The following CLECL1 variants were observed in gnomAD, a reference collection of about 807,000 sequenced individuals.
CLECL1 encodes the protein C-type lectin like 1, also known as C-type lectin-like domain family 1.
chr12:9,723,515 T>C (rs1320887650), intron 3 of CLECL1, among the ~76,000 whole-genome samples: 1 of 151,906 alleles, frequency 6.6e-6, no homozygotes, highest in Non-Finnish European at 1.5e-5. Flanking sequence ...AGACAGATTC[T>C]AGAGGGGAGA....
At chr12:9,728,611 AT>A (rs1285766517) in intron 2 of CLECL1, among the ~76,000 whole-genome samples, 5 of 151,914 alleles carry the variant, frequency 3.3e-5, no homozygotes, top group Admixed American at 6.6e-5. Context: ...TAGCAAAAAA[AT>A]CTATTTTACT....
the CLECL1 span, among the ~76,000 whole-genome samples, chr12:9,710,694 G>A: frequency 6.6e-6 from 1 of 152,142 alleles, no homozygotes; most frequent in African/African-American, 2.4e-5. Flanking sequence ...GAACACACAG[G>A]GAGAGGAACA....
the CLECL1 span, among the ~76,000 whole-genome samples, chr12:9,704,869 CAT>C: frequency 2.6e-5 from 4 of 152,116 alleles, no homozygotes; most frequent in Non-Finnish European, 4.4e-5. Context: ...CTGCAATGAA[CAT>C]ATGTGTGCGT....
At chr12:9,705,360 T>G in the CLECL1 span, among the ~76,000 whole-genome samples, 6 of 152,122 alleles carry the variant, frequency 3.9e-5, no homozygotes, top group Non-Finnish European at 8.8e-5. Flanking sequence ...GTAGGTTGTT[T>G]ACTCTGTTGA....
At chr12:9,719,166 G>T (rs1055526013), downstream of CLECL1, among the ~76,000 whole-genome samples, 7 of 152,270 alleles carry the variant, frequency 4.6e-5, no homozygotes, top group East Asian at 1.4e-3. Flanking sequence ...CAGGTGCGGT[G>T]GCTCATGCCT....
At chr12:9,719,218 T>C (rs2401390), downstream of CLECL1, among the ~76,000 whole-genome samples, 45,181 of 152,050 alleles carry the variant, frequency 0.3, 7,408 homozygotes, top group South Asian at 0.47. Flanking sequence ...GAGGAACCCT[T>C]GAGACCAGGA....
chr12:9,729,977 G>C (rs551319037), intron 1 of CLECL1, among the ~76,000 whole-genome samples: 4 of 152,084 alleles, frequency 2.6e-5, no homozygotes, highest in Admixed American at 6.6e-5. Context: ...AAACCCTCAA[G>C]ATTCTCTAAT....
the CLECL1 span, among the ~76,000 whole-genome samples, chr12:9,707,519 C>CT: frequency 0.39 from 58,417 of 151,660 alleles, 12,432 homozygotes; most frequent in East Asian, 0.58. Flanking sequence ...TGGTCTCTGG[C>CT]TAGGGCTCCA....
At chr12:9,731,657 C>T (rs1264445345) in intron 1 of CLECL1, among the ~76,000 whole-genome samples, 1 of 152,194 alleles carries the variant, frequency 6.6e-6, no homozygotes, top group East Asian at 1.9e-4. Flanking sequence ...GACTTCTGGT[C>T]ATAAGCATGA....
chr12:9,714,842 A>G (rs1035209567), downstream of CLECL1, among the ~76,000 whole-genome samples: 2 of 152,210 alleles, frequency 1.3e-5, no homozygotes, highest in Non-Finnish European at 2.9e-5. Flanking sequence ...GCTAACTGCA[A>G]AAACAAATTT....
the CLECL1 span, among the ~76,000 whole-genome samples, chr12:9,704,469 AAC>A: frequency 1.8e-3 from 272 of 152,302 alleles, no homozygotes; most frequent in African/African-American, 6.2e-3. Flanking sequence ...TACATAGGTA[AAC>A]ACATGTCATG....
chr12:9,718,688 C>T, downstream of CLECL1: 1 of 698,776 alleles, frequency 1.4e-6, no homozygotes, highest in African/African-American at 1.8e-5. Context: ...AATGTCCTTA[C>T]AAGAAGAAAT....
the CLECL1 span, among the ~76,000 whole-genome samples, chr12:9,703,113 C>T: frequency 2.0e-5 from 3 of 152,194 alleles, no homozygotes; most frequent in African/African-American, 7.2e-5. Flanking sequence ...TTCCAAAGTT[C>T]TCACCCAAAA....
chr12:9,734,238 T>TG (rs1866489328), upstream of CLECL1, among the ~76,000 whole-genome samples: 1 of 152,176 alleles, frequency 6.6e-6, no homozygotes, highest in East Asian at 1.9e-4. Flanking sequence ...AGAGAACAGA[T>TG]CCTGGCTTTG....
downstream of CLECL1, among the ~76,000 whole-genome samples, chr12:9,715,385 C>T (rs149841647): frequency 3.9e-5 from 6 of 152,286 alleles, no homozygotes; most frequent in African/African-American, 1.4e-4. Context: ...AGTTCTTAGT[C>T]TTACTTCAAG....
chr12:9,705,563 T>G, the CLECL1 span, among the ~76,000 whole-genome samples: 5 of 152,208 alleles, frequency 3.3e-5, no homozygotes, highest in African/African-American at 9.6e-5. Flanking sequence ...TTAATCCATC[T>G]TGAGTTGATT....
upstream of CLECL1, chr12:9,733,046 G>A (rs373212551): frequency 6.2e-7 from 1 of 1,614,170 alleles, no homozygotes; most frequent in Non-Finnish European, 8.5e-7. Flanking sequence ...AGATCAAAAA[G>A]AGAGAGAAGA....
At chr12:9,711,683 G>C (rs12297721), downstream of CLECL1, among the ~76,000 whole-genome samples, 2,062 of 151,356 alleles carry the variant, frequency 0.014, 48 homozygotes, top group African/African-American at 0.048. Context: ...TTTCTTTTGT[G>C]GTTCCTTTTC....
At chr12:9,732,371 G>A (rs1866457761) in intron 1 of CLECL1, among the ~76,000 whole-genome samples, 1 of 152,172 alleles carries the variant, frequency 6.6e-6, no homozygotes, top group Admixed American at 6.5e-5. Context: ...AATTTTTGAG[G>A]GGGTTTGGTG....
Sources: gnomAD v4.1 joint callset for allele counts (sites outside exome capture counted in the v4.1 genomes callset) on GRCh38, gnomAD v4.1.1 for gene constraint, MANE v1.5 for transcripts, NCBI Gene and HGNC (gene_info 2026-07-23, HGNC 2026-07-21) for gene names.